TECRL: variants seen among roughly 807,000 people sequenced by gnomAD.
TECRL encodes the protein trans-2,3-enoyl-CoA reductase like, also known as trans-2,3-enoyl-CoA reductase-like.
TECRL carries 63 observed loss-of-function variants against 52.8 expected under a neutral mutation model. The ratio of observed to expected loss-of-function variants is 1.19; its 90% CI spans 0.97 to 1.47. The LOEUF is 1.47. Among genes scored for constraint, TECRL ranks in the 40% most tolerant of loss-of-function variants. The pLI is 0.00. For missense variants in TECRL, 482 were observed against 429.6 expected (o/e 1.12, Z -1.08); for synonymous variants, 164 against 141.9 (o/e 1.16, Z -1.10).
chr4:64,318,816 G>A lies in TECRL; in HGVS notation c.435+3873C>T, dbSNP rs527970817. ...GACAGAACTACAATAAAACACTAAAGATGTTCTTCAGGGAGAAGGAGACAG... is the reference window on the plus strand; with the variant it reads ...GACAGAACTACAATAAAACACTAAAAATGTTCTTCAGGGAGAAGGAGACAG... On this transcript the variant is annotated intron_variant, in intron 4 of 11. Transcript: ENST00000381210. Among the ~76,000 whole-genome samples, 10 of 152,024 alleles carry A rather than the reference G, an allele frequency of 6.6e-5. No homozygotes were observed. In the East Asian group the frequency reaches 1.5e-3, roughly 24 times the overall value.
At chr4:64,374,341 T>A (rs1577956571) in intron 2 of TECRL, among the ~76,000 whole-genome samples, 2 of 151,342 alleles carry the variant, frequency 1.3e-5, no homozygotes, top group African/African-American at 4.8e-5. Context: ...TTCTATATTC[T>A]TTTTTTTCTT....
intron 5 of TECRL, among the ~76,000 whole-genome samples, chr4:64,310,461 CCTAT>C (rs965187729): frequency 1.3e-5 from 2 of 151,898 alleles, no homozygotes; most frequent in Non-Finnish European, 2.9e-5. Context: ...TTTGTTTTTT[CCTAT>C]CTAATTTTGT....
At chr4:64,388,200 G>A (rs1307568630) in intron 1 of TECRL, among the ~76,000 whole-genome samples, 2 of 137,824 alleles carry the variant, frequency 1.5e-5, no homozygotes, top group African/African-American at 5.2e-5. Context: ...TGTGTGAAAT[G>A]TGTAAGATGA....
chr4:64,329,966 T>TGTACTATTTAC (rs1718519456), intron 2 of TECRL, among the ~76,000 whole-genome samples: 1 of 151,498 alleles, frequency 6.6e-6, no homozygotes, highest in Non-Finnish European at 1.5e-5. Context: ...TACTATTTTA[T>TGTACTATTTAC]TGTACTATTT....
rs1201497182 is a variant in TECRL at position 64,366,261 on chromosome 4, G to T, written c.286+8911C>A. On this transcript the variant is annotated intron_variant, in intron 2 of 11. Transcript: ENST00000381210. ...GATTTGGTGAATTAAATACTTAAAT[G>T]TAAAGATGGATTAAAGACTGAAATG... 2.6e-5 allele frequency among the ~76,000 whole-genome samples: 4 copies of T among 151,896 alleles called. No homozygotes were observed. The East Asian group carries it at 7.7e-4, about 29-fold the overall frequency.
chr4:64,376,593 G>C (rs1348597595), intron 1 of TECRL, among the ~76,000 whole-genome samples: 1 of 151,670 alleles, frequency 6.6e-6, no homozygotes, highest in African/African-American at 2.4e-5. Flanking sequence ...TATTCATTCA[G>C]CACCTTTATA....
At chr4:64,312,587 C>A (rs1037970583) in intron 5 of TECRL, among the ~76,000 whole-genome samples, 4 of 151,908 alleles carry the variant, frequency 2.6e-5, no homozygotes, top group African/African-American at 9.7e-5. Context: ...CATAATGAGA[C>A]TTCATCTCTA....
rs757984967 is a variant in TECRL at position 64,314,737 on chromosome 4, A to T, written c.462T>A (p.Pro154=). The T allele has an allele frequency of 6.2e-7, 1 of 1,613,562 alleles. No individual in the cohort carries two copies. Residue 154 remains proline, a synonymous_variant, in exon 5 of 12, where the codon CCT becomes CCA. Coordinates refer to ENST00000381210, the MANE Select transcript of TECRL (RefSeq NM_001010874.5). ...AATAAAAGAGGAGGTATATTAGCAG[A>T]GGTCCTGTGTATTCAGCCAAAAACA... ...TTVFLAEYTG[P]LLIYLLFYLR... is the part of the protein sequence containing the mutation.
chr4:64,307,818 A>G (rs960372768), intron 6 of TECRL, among the ~76,000 whole-genome samples: 1 of 152,202 alleles, frequency 6.6e-6, no homozygotes, highest in African/African-American at 2.4e-5. Context: ...CAGTAAAGAA[A>G]TTTGGATATG....
chr4:64,286,151 A>T (rs1391666612), intron 9 of TECRL, among the ~76,000 whole-genome samples: 1 of 152,092 alleles, frequency 6.6e-6, no homozygotes, highest in East Asian at 1.9e-4. Flanking sequence ...AAAACAAAAC[A>T]AAATTTACAG....
chr4:64,316,463 TA>T (rs934353754), intron 4 of TECRL, among the ~76,000 whole-genome samples: 1 of 152,016 alleles, frequency 6.6e-6, no homozygotes, highest in African/African-American at 2.4e-5. Context: ...ACAATGCATT[TA>T]AAAAAATTAT....
intron 2 of TECRL, among the ~76,000 whole-genome samples, chr4:64,372,998 T>C (rs1333528104): frequency 6.6e-6 from 1 of 151,732 alleles, no homozygotes; most frequent in Non-Finnish European, 1.5e-5. Context: ...AGAAGTTCTT[T>C]TTACTAATGT....
intron 9 of TECRL, among the ~76,000 whole-genome samples, chr4:64,289,318 T>C (rs1723248066): frequency 6.6e-6 from 1 of 152,164 alleles, no homozygotes; most frequent in Non-Finnish European, 1.5e-5. Context: ...AAAGAAAAAC[T>C]AAAGGTAATT....
rs1233036401 is a variant in TECRL, at chr4:64,353,056, T to C, written c.286+22116A>G. On this transcript the variant is annotated intron_variant, in intron 2 of 11. Coordinates refer to ENST00000381210, the MANE Select transcript of TECRL (RefSeq NM_001010874.5). ...TCTAAATCACAAATTTTTATACTAC[T>C]GGACTAGTTGTATTTTTCTAATGAT... Among the ~76,000 whole-genome samples the C allele has an allele frequency of 2.6e-5, 4 of 152,186 alleles. No individual in the cohort carries two copies. The East Asian group carries it at 7.7e-4, about 29-fold the overall frequency.
chr4:64,290,042 G>A (rs1028797291), intron 8 of TECRL, among the ~76,000 whole-genome samples: 4 of 151,946 alleles, frequency 2.6e-5, no homozygotes, highest in African/African-American at 4.8e-5. Context: ...CTTGTTAATC[G>A]GCTTTGTACT....
At chr4:64,299,246 T>TG (rs972868683) in intron 8 of TECRL, 2 of 151,156 alleles carry the variant, frequency 1.3e-5, no homozygotes, top group Admixed American at 6.6e-5. Context: ...AGGTGATTTA[T>TG]GACCTGTATT....
intron 2 of TECRL, among the ~76,000 whole-genome samples, chr4:64,363,436 A>C (rs1269903045): frequency 3.3e-5 from 5 of 152,152 alleles, no homozygotes; most frequent in African/African-American, 4.8e-5. Flanking sequence ...GAAAGGGTAC[A>C]CTACCCACTA....
chr4:64,291,214 C>T (rs567450273), intron 8 of TECRL, among the ~76,000 whole-genome samples: 57 of 151,948 alleles, frequency 3.8e-4, no homozygotes, highest in Non-Finnish European at 6.3e-4. Flanking sequence ...AAGTCAAGTA[C>T]CCTACACAGC....
In TECRL at chr4:64,316,269, T is replaced by G. The variant is rs76627158; in HGVS notation, c.436-1506A>C. ...AACACAGATCTGAAGTTTCTTCGCATGAGAGGAAATTAAACTATAATCTTA... is the reference window on the plus strand; with the variant it reads ...AACACAGATCTGAAGTTTCTTCGCAGGAGAGGAAATTAAACTATAATCTTA... On this transcript the variant is annotated intron_variant, in intron 4 of 11. Transcript: ENST00000381210. Among the ~76,000 whole-genome samples, 340 of 152,236 alleles carry G rather than the reference T, an allele frequency of 2.2e-3. 1 individual carries two copies. The South Asian group carries it at 0.023, about 10-fold the overall frequency.
Sources: gnomAD v4.1 joint callset for allele counts (sites outside exome capture counted in the v4.1 genomes callset) on GRCh38, gnomAD v4.1.1 for gene constraint, MANE v1.5 for transcripts, NCBI Gene and HGNC (gene_info 2026-07-23, HGNC 2026-07-21) for gene names.